Variants in GIT2 observed in about 807,000 individuals in gnomAD.
GIT2 encodes the protein GIT ArfGAP 2, also known as ARF GTPase-activating protein GIT2.
GIT2 carries 32 observed loss-of-function variants against 100.3 expected under a neutral mutation model. The observed-to-expected ratio is 0.32, with a 90% CI of 0.24 to 0.43. The LOEUF is 0.43. Among genes scored for constraint, GIT2 ranks in the 20% least tolerant of loss-of-function variants. The pLI, the probability that GIT2 is intolerant of heterozygous loss-of-function variation, is 1.00. For missense variants in GIT2, 737 were observed against 975.1 expected (o/e 0.76, Z 3.25); for synonymous variants, 353 against 364.1 (o/e 0.97, Z 0.35).
intron 8 of GIT2, among the ~76,000 whole-genome samples, chr12:109,966,063 TC>T (rs1882288446): frequency 6.8e-6 from 1 of 146,256 alleles, no homozygotes; most frequent in Admixed American, 6.9e-5. Context: ...TGGCGCAATC[TC>T]AGCTCACTGC....
At chr12:109,980,456 C>T (rs1234245966) in intron 7 of GIT2, among the ~76,000 whole-genome samples, 3 of 152,034 alleles carry the variant, frequency 2.0e-5, no homozygotes, top group Admixed American at 6.6e-5. Context: ...TGCAGTGGCA[C>T]GATACAAAAC....
intron 15 of GIT2, 67 bp from the exon 16 acceptor site, chr12:109,945,416 G>T: frequency 1.3e-6 from 1 of 790,720 alleles, no homozygotes; most frequent in Non-Finnish European, 2.2e-6. Flanking sequence ...CACCTTGCCA[G>T]CTTCAGTAAA....
In GIT2 at chr12:109,988,969, A is replaced by G. The variant is rs1296911755; in HGVS notation, c.399T>C (p.Leu133=). The G allele has an allele frequency of 6.3e-7, 1 of 1,581,758 alleles. No homozygotes were observed. ...TTTAAAAGGTGTGACCCACCTTGCT[A>G]AGATCTTTGGCAGTCACACTATCGT... ...RDDDSVTAKD[L]SKQLHSSVRT... is the part of the protein sequence containing the mutation. The change falls in exon 4 of 20, where the codon CTT becomes CTC. Residue 133 remains leucine, a synonymous_variant. Coordinates refer to ENST00000355312, the MANE Select transcript of GIT2 (RefSeq NM_057169.5).
rs987790693 is a variant in GIT2 at position 109,934,794 on chromosome 12, G to A, written c.2004-709C>T. On this transcript the variant is annotated intron_variant, in intron 18 of 19. Coordinates refer to ENST00000355312, the MANE Select transcript of GIT2 (RefSeq NM_057169.5). The surrounding 1 kb of genome is among the most constrained non-coding windows in gnomAD (Gnocchi z 4.5). ...CAAAACTATTATAATTAAAACTGTC[G>A]GCCGGGCGCAGTGGCTCACGCCTGT... Among the ~76,000 whole-genome samples the A allele has an allele frequency of 2.0e-5, 3 of 152,114 alleles. No individual in the cohort carries two copies. The highest frequency in any genetic ancestry group is 6.5e-5 in the Admixed American group (1 of 15,276).
chr12:109,947,652 G>A lies in GIT2; in HGVS notation c.1393-148C>T. On this transcript the variant is annotated intron_variant, in intron 14 of 19. Transcript: ENST00000355312. The surrounding 1 kb of genome is among the most constrained non-coding windows in gnomAD (Gnocchi z 4.3). ...AAAGTAAAAAGCCAATACAAACAAG[G>A]ACCCTTTCTTCTGGATTGGGTGAAA... 1.5e-6 allele frequency: 1 copy of A among 685,990 alleles called. No homozygotes were observed. The highest frequency in any genetic ancestry group is 2.5e-6 in the Non-Finnish European group (1 of 402,028). 42.5% of individuals were successfully genotyped at this position (685,990 alleles called of 1,614,324 possible).
upstream of GIT2, chr12:109,999,107 G>A (rs991735413): frequency 6.6e-6 from 1 of 152,328 alleles, no homozygotes; most frequent in Admixed American, 6.5e-5. This position sits in a 1 kb window ranked among gnomAD's most constrained non-coding sequence, Gnocchi z 4.3. Context: ...TCGGCAGCTG[G>A]AATGGTTTGG....
chr12:109,939,383 G>A, intron 16 of GIT2, 136 bp from the exon 17 acceptor site: 2 of 605,528 alleles, frequency 3.3e-6, no homozygotes, highest in East Asian at 5.8e-5. Context: ...CAACTCTCTA[G>A]TGAAAATTTA....
chr12:109,938,393 T>A lies in GIT2; in HGVS notation c.1990A>T (p.Asn664Tyr). Reference sequence around the variant, plus strand: ...AATCCTGCTTACCTGTCATGTTTATTTTCTTGGGCTGCTCTTAAGAGCTCC... The same window carrying A: ...AATCCTGCTTACCTGTCATGTTTATATTCTTGGGCTGCTCTTAAGAGCTCC... ...IQELLRAAQENKHDSYIPCSE... is the reference protein window; with the variant it reads ...IQELLRAAQEYKHDSYIPCSE... The change falls in exon 18 of 20, where the codon AAT (asparagine) becomes TAT (tyrosine). Residue 664 changes from asparagine (N) to tyrosine (Y), a missense_variant. Around this residue, in one of 3 missense-constraint regions of GIT2, gnomAD observed 451 missense variants for 543.7 expected, o/e 0.83. Transcript: ENST00000355312. 1 of 1,612,598 alleles carries A rather than the reference T, an allele frequency of 6.2e-7. No individual in the cohort carries two copies. Among genetic ancestry groups the A allele is most frequent in the Non-Finnish European group, 8.5e-7 (1 of 1,179,286 alleles).
Position 109,933,091 on chromosome 12 carries a change from C to T in GIT2, c.2167G>A (p.Gly723Ser), listed in dbSNP as rs748515904. ...ACCAGCTGAACGTCTGTGGGTGAGC[C>T]GGGGTCCCCTGGGAGGGTCTTCTTG... ...ECKKTLPGDP[G>S]SPTDVQLVTQ... The change falls in exon 20 of 20, where the codon GGC becomes AGC. Residue 723 changes from glycine (G) to serine (S), a missense_variant. Gly to Ser is a moderately conservative substitution (Grantham distance 56). This residue lies in a region of GIT2 where 451 missense variants were observed against 543.7 expected (regional missense o/e 0.83). Coordinates refer to ENST00000355312, the MANE Select transcript of GIT2 (RefSeq NM_057169.5). This position sits in a 1 kb window ranked among gnomAD's most constrained non-coding sequence, Gnocchi z 4.5. The T allele has an allele frequency of 2.5e-6, 4 of 1,613,284 alleles. No individual in the cohort carries two copies. Among genetic ancestry groups the T allele is most frequent in the Admixed American group, 1.7e-5 (1 of 59,960 alleles).
intron 7 of GIT2, among the ~76,000 whole-genome samples, chr12:109,980,181 G>A (rs1452056263): frequency 1.3e-5 from 2 of 152,090 alleles, no homozygotes; most frequent in Non-Finnish European, 2.9e-5. Flanking sequence ...TCAAGTCCCA[G>A]TCTCCCAAGT....
At chr12:109,952,487 C>T in intron 13 of GIT2, 1 of 518,962 alleles carries the variant, frequency 1.9e-6, no homozygotes, top group Admixed American at 1.9e-5. Flanking sequence ...CTGTGAGGCC[C>T]ACTCTCTTCC....
intron 12 of GIT2, among the ~76,000 whole-genome samples, chr12:109,955,129 C>A (rs1194177159): frequency 1.3e-5 from 2 of 151,670 alleles, no homozygotes; most frequent in Non-Finnish European, 2.9e-5. Flanking sequence ...TAGTTATGTT[C>A]TTTTCTTTTT....
intron 16 of GIT2, among the ~76,000 whole-genome samples, chr12:109,942,635 T>G (rs900112368): frequency 6.6e-6 from 1 of 152,204 alleles, no homozygotes; most frequent in African/African-American, 2.4e-5. Flanking sequence ...TGTCTGGCCT[T>G]TATAATGAAT....
Position 109,932,845 on chromosome 12 carries a change from T to C in GIT2, c.*133A>G, listed in dbSNP as rs1303385751. On this transcript the variant is annotated 3_prime_UTR_variant, in exon 20 of 20. Transcript: ENST00000355312. Reference sequence around the variant, plus strand: ...GTTAGAAAACATGCAAAAATAATACTGAGTTTTCTTTTAAAAAGTTTTAAA... The same window carrying C: ...GTTAGAAAACATGCAAAAATAATACCGAGTTTTCTTTTAAAAAGTTTTAAA... 5 of 629,530 alleles carry C rather than the reference T, an allele frequency of 7.9e-6. No homozygotes were observed. Among genetic ancestry groups the C allele is most frequent in the African/African-American group, 3.7e-5 (2 of 54,736 alleles). 39.0% of individuals were successfully genotyped at this position (629,530 alleles called of 1,614,324 possible).
In GIT2 at chr12:109,960,182, C is replaced by T. The variant is rs146126024; in HGVS notation, c.988-224G>A. On this transcript the variant is annotated intron_variant, in intron 11 of 19. Transcript: ENST00000355312. ...GAGAATTTCATAACAAATGTTATGG[C>T]ATTTCTCACATATGCATTGTTCTCA... Among the ~76,000 whole-genome samples the T allele has an allele frequency of 2.7e-3, 406 of 152,298 alleles. 1 individual carries two copies. The highest frequency in any genetic ancestry group is 0.016 in the East Asian group (82 of 5,190).
At position 109,948,632 on chromosome 12, in the gene GIT2, T is replaced by C. The variant is rs1199431739; in HGVS notation, c.1393-1128A>G. 83 of 1,428,436 alleles carry C rather than the reference T, an allele frequency of 5.8e-5. No individual in the cohort carries two copies. Among genetic ancestry groups the C allele is most frequent in the Non-Finnish European group, 7.5e-5 (82 of 1,100,018 alleles). 88.5% of individuals were successfully genotyped at this position (1,428,436 alleles called of 1,614,324 possible). ...GTGGTGTGAGTTCAGCTGTCTACTCTTTGACAGAGATTGTAAAATCTGACC... is the reference window on the plus strand; with the variant it reads ...GTGGTGTGAGTTCAGCTGTCTACTCCTTGACAGAGATTGTAAAATCTGACC... On this transcript the variant is annotated intron_variant, in intron 14 of 19. Coordinates refer to ENST00000355312, the MANE Select transcript of GIT2 (RefSeq NM_057169.5). This position sits in a 1 kb window ranked among gnomAD's most constrained non-coding sequence, Gnocchi z 4.3.
At position 109,955,862 on chromosome 12, in the gene GIT2, T is replaced by A. The variant is rs1879284526; in HGVS notation, c.1100-2628A>T. Among the ~76,000 whole-genome samples, 2 of 150,904 alleles carry A rather than the reference T, an allele frequency of 1.3e-5. 1 individual carries two copies. Among genetic ancestry groups the A allele is most frequent in the Admixed American group, 1.3e-4 (2 of 15,160 alleles). ...CTGAGTATGTAGGACTACAGACACA[T>A]GCCAACACACCTAGAAAATTTTTAA... On this transcript the variant is annotated intron_variant, in intron 12 of 19. Transcript: ENST00000355312.
rs778278923 is a variant in GIT2 at position 109,996,198 on chromosome 12, C to T, written c.27G>A (p.Glu9=). The T allele has an allele frequency of 1.8e-5, 27 of 1,532,054 alleles. No individual in the cohort carries two copies. The highest frequency in any genetic ancestry group is 2.4e-5 in the Non-Finnish European group (27 of 1,139,734). The allele number at this position is 1,532,054 out of a possible 1,614,324, so 94.9% of individuals were successfully genotyped here. A position where few individuals can be genotyped will look rare whatever the true frequency, so the allele number is the denominator to read the frequency against. MSKRLRSS[E]VCADCSGPDP... ...CCGGCCCGCTGCAGTCAGCGCACAC[C>T]TCGCTGCTCCGGAGCCGTTTCGACA... Residue 9 remains glutamate (E), a synonymous_variant, in exon 1 of 20, where the codon GAG becomes GAA. Coordinates refer to ENST00000355312, the MANE Select transcript of GIT2 (RefSeq NM_057169.5).
At chr12:109,939,104 G>C in intron 17 of GIT2, 61 bp downstream of exon 17, 1 of 946,316 alleles carries the variant, frequency 1.1e-6, no homozygotes, top group South Asian at 1.3e-5. Flanking sequence ...GCTGGCCCAG[G>C]CCTGCCAGGT....
Sources: allele counts gnomAD v4.1 joint callset (sites outside exome capture counted in the v4.1 genomes callset), GRCh38; gene constraint gnomAD v4.1.1; regional missense constraint gnomAD v4.1.1; non-coding constraint Gnocchi (gnomAD v3.1); transcripts MANE v1.5; gene names NCBI Gene and HGNC (gene_info 2026-07-23, HGNC 2026-07-21).